BIRC6: variants seen among roughly 807,000 people sequenced by gnomAD.
The protein encoded by BIRC6 is baculoviral IAP repeat containing 6.
BIRC6 carries 98 observed loss-of-function variants against 503.3 expected under a neutral mutation model. The ratio of observed to expected loss-of-function variants is 0.19; its 90% CI spans 0.17 to 0.23. BIRC6 has a LOEUF of 0.23. Ranked by LOEUF, BIRC6 falls within the 10% of genes least tolerant of loss-of-function variation. The pLI is 1.00. For missense variants in BIRC6, 5,360 were observed against 5,806.0 expected (o/e 0.92, Z 2.50); for synonymous variants, 2,240 against 2,078.7 (o/e 1.08, Z -2.11).
intron 70 of BIRC6, among the ~76,000 whole-genome samples, chr2:32,600,906 A>G (rs974064601): frequency 7.9e-5 from 12 of 152,180 alleles, no homozygotes; most frequent in Non-Finnish European, 1.3e-4. Context: ...GGGCTGTCCA[A>G]TGTTTTGGCT....
At chr2:32,380,599 C>T (rs572193608) in intron 3 of BIRC6, among the ~76,000 whole-genome samples, 228 of 152,048 alleles carry the variant, frequency 1.5e-3, no homozygotes, top group Non-Finnish European at 2.2e-3. Flanking sequence ...TGGTGGCAGG[C>T]GCCTGTAATC....
chr2:32,440,751 T>TTATTA (rs1553429507), intron 16 of BIRC6, among the ~76,000 whole-genome samples: 1 of 147,150 alleles, frequency 6.8e-6, no homozygotes, highest in African/African-American at 2.5e-5. Flanking sequence ...TGTTTATTTA[T>TTATTA]TTATTATTAT....
At chr2:32,457,297 C>G (rs2047362565) in intron 23 of BIRC6, among the ~76,000 whole-genome samples, 1 of 152,058 alleles carries the variant, frequency 6.6e-6, no homozygotes, top group African/African-American at 2.4e-5. Context: ...GAATTTAATT[C>G]AGTTACATTT....
rs375362274 is a variant in BIRC6 at position 32,489,537 on chromosome 2, C to T, written c.8096-504C>T. Reference sequence around the variant, plus strand: ...TAAAAAATAGTTATTCCTGGCTGGGCACAGTGGCTCACACCTGTAAAACCA... The same window carrying T: ...TAAAAAATAGTTATTCCTGGCTGGGTACAGTGGCTCACACCTGTAAAACCA... On this transcript the variant is annotated intron_variant, in intron 42 of 73. Coordinates refer to ENST00000421745, the MANE Select transcript of BIRC6 (RefSeq NM_016252.4). Among the ~76,000 whole-genome samples the T allele has an allele frequency of 3.9e-5, 6 of 152,036 alleles. No homozygotes were observed. The East Asian group carries it at 1.2e-3, about 29-fold the overall frequency.
chr2:32,600,846 G>A (rs1034424190), intron 70 of BIRC6, among the ~76,000 whole-genome samples: 1 of 152,060 alleles, frequency 6.6e-6, no homozygotes, highest in African/African-American at 2.4e-5. Flanking sequence ...CTACAGATAG[G>A]TATGAGGCTA....
intron 10 of BIRC6, among the ~76,000 whole-genome samples, chr2:32,418,202 G>T (rs2042583339): frequency 6.6e-6 from 1 of 152,132 alleles, no homozygotes; most frequent in Non-Finnish European, 1.5e-5. Context: ...ATGAAACTTG[G>T]AATTACAGTT....
At chr2:32,508,740 T>A (rs2054070843) in intron 51 of BIRC6, among the ~76,000 whole-genome samples, 1 of 152,182 alleles carries the variant, frequency 6.6e-6, no homozygotes, top group South Asian at 2.1e-4. Context: ...TGATAAATTT[T>A]GACAGCTGGA....
At chr2:32,401,885 T>G (rs950360740) in intron 8 of BIRC6, among the ~76,000 whole-genome samples, 1 of 152,210 alleles carries the variant, frequency 6.6e-6, no homozygotes, top group South Asian at 2.1e-4. Flanking sequence ...GAACAATAGA[T>G]GATGAAAAGT....
intron 70 of BIRC6, 85 bp downstream of exon 70, chr2:32,599,985 T>C: frequency 5.2e-6 from 7 of 1,336,420 alleles, no homozygotes; most frequent in Non-Finnish European, 7.2e-6. Context: ...TTTGTTTTAG[T>C]TATCTGCTAA....
intron 49 of BIRC6, among the ~76,000 whole-genome samples, 180 bp from the exon 50 acceptor site, chr2:32,504,825 G>T (rs1342827951): frequency 2.0e-5 from 3 of 152,172 alleles, no homozygotes; most frequent in Non-Finnish European, 1.5e-5. Context: ...CAGTTGACAG[G>T]ATTTCCTCAT....
intron 64 of BIRC6, among the ~76,000 whole-genome samples, chr2:32,548,249 A>T (rs1326972808): frequency 6.7e-6 from 1 of 150,258 alleles, no homozygotes; most frequent in African/African-American, 2.5e-5. Context: ...CAGGGATGAA[A>T]TTATCCAGTA....
chr2:32,512,970 A>G lies in BIRC6; in HGVS notation c.10384A>G (p.Arg3462Gly), dbSNP rs750391591. The stretch of plus-strand genomic sequence containing the variant: ...GTTAAAATGGGTTAGTGATTCTGCA[A>G]GAGTGGCTGCTATGAAGAGAAGTGG... ...ALLKWVSDSA[R>G]VAAMKRSGRM... Residue 3462 changes from arginine to glycine, a missense_variant, in exon 54 of 74, where the codon AGA (arginine) becomes GGA (glycine). Transcript: ENST00000421745. 6.2e-7 allele frequency: 1 copy of G among 1,613,958 alleles called. No individual in the cohort carries two copies. The highest frequency in any genetic ancestry group is 8.5e-7 in the Non-Finnish European group (1 of 1,179,868).
intron 66 of BIRC6, among the ~76,000 whole-genome samples, chr2:32,593,303 TA>T (rs2061494359): frequency 6.6e-6 from 1 of 152,168 alleles, no homozygotes. Flanking sequence ...TAATGTCCTA[TA>T]TACTTAAACC....
rs140114255 is a variant in BIRC6 at position 32,385,413 on chromosome 2, A to G, written c.646-3337A>G. The stretch of plus-strand genomic sequence containing the variant: ...GAAGGATACTTGTTGCTGGTGCTCA[A>G]TATTATGGTTGGTGTGTCAGATAAC... On this transcript the variant is annotated intron_variant, in intron 3 of 73. Transcript: ENST00000421745. 2.8e-3 allele frequency among the ~76,000 whole-genome samples: 423 copies of G among 152,332 alleles called. 3 individuals carry two copies. The highest frequency in any genetic ancestry group is 0.024 in the Admixed American group (370 of 15,294).
intron 65 of BIRC6, among the ~76,000 whole-genome samples, chr2:32,569,212 C>G (rs2059755241): frequency 6.6e-6 from 1 of 152,034 alleles, no homozygotes; most frequent in African/African-American, 2.4e-5. Flanking sequence ...TGGCCTTGAA[C>G]TTCTGGCCCC....
chr2:32,548,365 C>CTTTTTTTTTTTTTT (rs1202755440), intron 64 of BIRC6, among the ~76,000 whole-genome samples: 2 of 73,366 alleles, frequency 2.7e-5, no homozygotes, highest in Non-Finnish European at 5.1e-5. Flanking sequence ...TGGTTGCTTA[C>CTTTTTTTTTTTTTT]TTTTTTTTTT....
At chr2:32,389,735 C>T (rs144732744) in intron 4 of BIRC6, among the ~76,000 whole-genome samples, 3,325 of 152,276 alleles carry the variant, frequency 0.022, 109 homozygotes, top group African/African-American at 0.077. Flanking sequence ...TCACTCTTGT[C>T]GCCTAGGCTG....
At chr2:32,608,420 C>G (rs2062622574) in intron 72 of BIRC6, among the ~76,000 whole-genome samples, 1 of 151,812 alleles carries the variant, frequency 6.6e-6, no homozygotes, top group South Asian at 2.1e-4. Context: ...CTCTCCTTTC[C>G]TTTCCTCCTG....
chr2:32,536,826 C>T (rs2057279121), intron 61 of BIRC6, among the ~76,000 whole-genome samples: 1 of 151,954 alleles, frequency 6.6e-6, no homozygotes, highest in South Asian at 2.1e-4. Flanking sequence ...ATGGGGATGA[C>T]ATTGAATCTA....
Sources: gnomAD v4.1 joint callset for allele counts (sites outside exome capture counted in the v4.1 genomes callset) on GRCh38, gnomAD v4.1.1 for gene constraint, MANE v1.5 for transcripts, NCBI Gene and HGNC (gene_info 2026-07-23, HGNC 2026-07-21) for gene names.